Variants in DGUOK observed in about 807,000 individuals in gnomAD.
DGUOK encodes the protein deoxyguanosine kinase, mitochondrial.
In DGUOK, 30 loss-of-function variants were observed where a neutral mutation model predicts 36.6. The ratio of observed to expected loss-of-function variants is 0.82; its 90% CI spans 0.61 to 1.11. The LOEUF (loss-of-function observed/expected upper bound fraction) is 1.11. DGUOK is among the 50% of genes most tolerant of loss of function. The pLI is 0.00. For missense variants in DGUOK, 361 were observed against 336.4 expected (o/e 1.07, Z -0.57); for synonymous variants, 145 against 126.3 (o/e 1.15, Z -0.99).
Position 73,957,105 on chromosome 2 carries a change from G to T in DGUOK, c.592-20G>T, listed in dbSNP as rs372259679. 3.2e-6 allele frequency: 5 copies of T among 1,586,424 alleles called. No individual in the cohort carries two copies. In the African/African-American group the frequency reaches 6.7e-5, roughly 21 times the overall value. ...CCAAAACAGCAAAGAGCTCATCAGG[G>T]CTTGGGGACTGTCTTTTAGGTTTGT... On this transcript the variant is annotated intron_variant, in intron 4 of 6. Transcript: ENST00000264093.
At chr2:73,937,017 G>A (rs943307052) in intron 1 of DGUOK, among the ~76,000 whole-genome samples, 7 of 152,230 alleles carry the variant, frequency 4.6e-5, no homozygotes, top group African/African-American at 7.2e-5. Flanking sequence ...CATATGCAAA[G>A]TCATATTTGC....
intron 1 of DGUOK, among the ~76,000 whole-genome samples, chr2:73,927,608 C>A (rs1484849823): frequency 1.3e-5 from 2 of 152,210 alleles, no homozygotes; most frequent in African/African-American, 4.8e-5. Context: ...ACCACATTCA[C>A]AATTTTTGCC....
intron 1 of DGUOK, among the ~76,000 whole-genome samples, chr2:73,931,267 GT>G (rs907709112): frequency 1.3e-5 from 2 of 151,652 alleles, no homozygotes; most frequent in African/African-American, 4.8e-5. Context: ...TTTTTTGGGG[GT>G]TTTTTTGTTT....
intron 2 of DGUOK, among the ~76,000 whole-genome samples, 172 bp downstream of exon 2, chr2:73,939,194 T>C (rs1029761993): frequency 1.3e-5 from 2 of 152,218 alleles, no homozygotes; most frequent in African/African-American, 2.4e-5. Context: ...TGTTTGAATA[T>C]GTGCAGTTTT....
At chr2:73,944,029 C>G (rs1275598381) in intron 2 of DGUOK, among the ~76,000 whole-genome samples, 2 of 152,064 alleles carry the variant, frequency 1.3e-5, no homozygotes, top group Non-Finnish European at 2.9e-5. Flanking sequence ...AATGCAGTGG[C>G]CCTATTATAG....
intron 2 of DGUOK, 57 bp downstream of exon 2, chr2:73,939,079 A>G: frequency 1.7e-6 from 2 of 1,177,620 alleles, no homozygotes; most frequent in Non-Finnish European, 2.5e-6. Flanking sequence ...TCTAATTGTC[A>G]TAATTTAATT....
intron 2 of DGUOK, among the ~76,000 whole-genome samples, chr2:73,942,066 C>T (rs1269080765): frequency 6.6e-6 from 1 of 151,988 alleles, no homozygotes; most frequent in Non-Finnish European, 1.5e-5. Context: ...CCTGCCACCA[C>T]ACCCAGCTAA....
rs755114361 is a variant in DGUOK at position 73,958,195 on chromosome 2, A to G, written c.757A>G (p.Asn253Asp). 14 of 1,613,720 alleles carry G rather than the reference A, an allele frequency of 8.7e-6. No homozygotes were observed. Among genetic ancestry groups the G allele is most frequent in the South Asian group, 6.6e-5 (6 of 91,060 alleles). Residue 253 changes from asparagine (N) to aspartate (D), a missense_variant, in exon 6 of 7, where the codon AAT becomes GAT. Asn to Asp is a conservative substitution (Grantham distance 23, BLOSUM62 1). Coordinates refer to ENST00000264093, the MANE Select transcript of DGUOK (RefSeq NM_080916.3). Reference sequence around the variant, plus strand: ...CATTCCAGTGCTGGTGTTGGATGTCAATGATGATTTTTCTGAGGAAGTAAC... The same window carrying G: ...CATTCCAGTGCTGGTGTTGGATGTCGATGATGATTTTTCTGAGGAAGTAAC... ...MNIPVLVLDVNDDFSEEVTKQ... is the reference protein window; with the variant it reads ...MNIPVLVLDVDDDFSEEVTKQ...
At chr2:73,938,381 A>AC (rs1681637730) in intron 1 of DGUOK, among the ~76,000 whole-genome samples, 1 of 152,174 alleles carries the variant, frequency 6.6e-6, no homozygotes, top group Non-Finnish European at 1.5e-5. Flanking sequence ...TATCACCCAT[A>AC]CAAGCTCTGT....
Position 73,927,013 on chromosome 2 carries a change from G to GAA in DGUOK, c.103_104insAA (p.Gly35GlufsTer22). On this transcript the variant is annotated frameshift_variant, in exon 1 of 7. Coordinates refer to ENST00000264093, the MANE Select transcript of DGUOK (RefSeq NM_080916.3). LOFTEE classifies it high-confidence loss of function. ...TTCCTCCTCCAGAGGCCTGCACGCG[G>GAA]GGCGCGGGCCCCGAAGGCTCTCCAT... 6.2e-7 allele frequency: 1 copy of GAA among 1,611,238 alleles called. No homozygotes were observed. Among genetic ancestry groups the GAA allele is most frequent in the Non-Finnish European group, 8.5e-7 (1 of 1,180,022 alleles).
intron 5 of DGUOK, 31 bp downstream of exon 5, chr2:73,957,271 C>T: frequency 6.4e-7 from 1 of 1,555,894 alleles, no homozygotes; most frequent in East Asian, 2.3e-5. Context: ...GTATCAGAGA[C>T]AGAGACCTGG....
intron 1 of DGUOK, among the ~76,000 whole-genome samples, chr2:73,937,326 G>C (rs1681547266): frequency 1.3e-5 from 2 of 152,230 alleles, no homozygotes; most frequent in Non-Finnish European, 2.9e-5. Context: ...GCTTGCCCTT[G>C]CTATAGCCAG....
intron 6 of DGUOK, 105 bp downstream of exon 6, chr2:73,958,350 T>A (rs1449123566): frequency 7.0e-6 from 6 of 859,652 alleles, no homozygotes; most frequent in African/African-American, 5.0e-5. Flanking sequence ...GTGCTTTGCA[T>A]CTCACATTGC....
chr2:73,956,799 A>T (rs2104997804), intron 4 of DGUOK, among the ~76,000 whole-genome samples: 1 of 152,326 alleles, frequency 6.6e-6, no homozygotes. Flanking sequence ...TTCTAGAGAG[A>T]TGAAAGAGAA....
intron 1 of DGUOK, among the ~76,000 whole-genome samples, chr2:73,936,489 T>G (rs912729635): frequency 1.3e-5 from 2 of 152,192 alleles, no homozygotes; most frequent in African/African-American, 2.4e-5. Flanking sequence ...CTGTTTGTTC[T>G]TATCCTGCCT....
chr2:73,947,495 C>A, intron 3 of DGUOK: 1 of 179,148 alleles, frequency 5.6e-6, no homozygotes, highest in Non-Finnish European at 1.2e-5. Flanking sequence ...GTCTAGTGGA[C>A]ATCAGTGCCT....
In DGUOK at chr2:73,950,717, C is replaced by T. The variant is rs965153784; in HGVS notation, c.576C>T (p.Leu192=). The change falls in exon 4 of 7, where the codon CTC becomes CTT. Residue 192 remains leucine, a synonymous_variant. Transcript: ENST00000264093. ...TCACATTACATGGCTTCATCTACCT[C>T]CAGGCTTCTCCCCAGGTAACACTGA... ...SRITLHGFIY[L]QASPQVCLKR... The T allele has an allele frequency of 6.2e-7, 1 of 1,614,102 alleles. No individual in the cohort carries two copies. The highest frequency in any genetic ancestry group is 1.3e-5 in the African/African-American group (1 of 74,934).
At chr2:73,936,704 T>C (rs887235094) in intron 1 of DGUOK, among the ~76,000 whole-genome samples, 2 of 152,136 alleles carry the variant, frequency 1.3e-5, no homozygotes, top group African/African-American at 4.8e-5. Flanking sequence ...CAAATGTAGG[T>C]TTCAGAGGGA....
chr2:73,936,452 G>A (rs552453570), intron 1 of DGUOK, among the ~76,000 whole-genome samples: 6 of 152,306 alleles, frequency 3.9e-5, no homozygotes, highest in Non-Finnish European at 7.3e-5. Flanking sequence ...AGAGATGAGC[G>A]TGACTGTACA....
Sources: gnomAD v4.1 joint callset for allele counts (sites outside exome capture counted in the v4.1 genomes callset) on GRCh38, gnomAD v4.1.1 for gene constraint, MANE v1.5 for transcripts, NCBI Gene and HGNC (gene_info 2026-07-23, HGNC 2026-07-21) for gene names.